ZNF670: variants seen among roughly 807,000 people sequenced by gnomAD.
ZNF670 encodes the protein zinc finger protein 670.
In ZNF670, 7 loss-of-function variants were observed where a neutral mutation model predicts 10.9. The observed-to-expected ratio is 0.64, with a 90% CI of 0.36 to 1.20. The LOEUF (loss-of-function observed/expected upper bound fraction) is 1.20, where lower values mean the gene tolerates loss of function less well. ZNF670 is among the 50% of genes most tolerant of loss of function. The pLI, the probability that ZNF670 is intolerant of heterozygous loss-of-function variation, is 0.02. For synonymous variants in ZNF670, 136 were observed against 152.7 expected (o/e 0.89, Z 0.81); for missense variants, 446 against 458.6 (o/e 0.97, Z 0.25).
intron 1 of ZNF670, chr1:247,042,731 A>T: frequency 2.6e-6 from 1 of 383,886 alleles, no homozygotes; most frequent in Non-Finnish European, 4.8e-6. Context: ...TCTGATTTCC[A>T]GTAGAGCAAG....
intron 1 of ZNF670, among the ~76,000 whole-genome samples, chr1:247,070,332 G>A (rs1175874823): frequency 2.0e-5 from 3 of 151,976 alleles, no homozygotes; most frequent in Non-Finnish European, 4.4e-5. Context: ...CTAGCCAGGC[G>A]TGGTGGCAGG....
chr1:247,043,230 G>A (rs934051142), intron 1 of ZNF670: 5 of 691,410 alleles, frequency 7.2e-6, no homozygotes, highest in African/African-American at 6.9e-5. Context: ...AGCACTGAAG[G>A]AGGACTTTGG....
At chr1:247,057,708 T>C (rs1008779250) in intron 1 of ZNF670, among the ~76,000 whole-genome samples, 7 of 152,136 alleles carry the variant, frequency 4.6e-5, no homozygotes, top group African/African-American at 4.8e-5. Flanking sequence ...CTGGAAGTCA[T>C]TGTGTTAAAT....
In ZNF670 at chr1:247,041,160, T is replaced by C. The variant is rs546679397; in HGVS notation, c.4-1623A>G. On this transcript the variant is annotated intron_variant, in intron 1 of 3. Coordinates refer to ENST00000366503, the MANE Select transcript of ZNF670 (RefSeq NM_033213.5). The stretch of plus-strand genomic sequence containing the variant: ...ATAATCAAGTTCTTTATTTCAAATA[T>C]GAAAGACAAAACTAAAATACGTTCA... Among the ~76,000 whole-genome samples, 12 of 152,234 alleles carry C rather than the reference T, an allele frequency of 7.9e-5. 1 individual carries two copies. The South Asian group carries it at 2.1e-3, about 26-fold the overall frequency.
intron 1 of ZNF670, among the ~76,000 whole-genome samples, chr1:247,072,845 C>CACAT (rs375247639): frequency 0.15 from 11,099 of 76,458 alleles, 893 homozygotes; most frequent in South Asian, 0.29. Flanking sequence ...TATATGCATA[C>CACAT]ACACACATAC....
intron 1 of ZNF670, among the ~76,000 whole-genome samples, chr1:247,060,313 C>T (rs1670827716): frequency 6.6e-6 from 1 of 151,918 alleles, no homozygotes; most frequent in Admixed American, 6.6e-5. Context: ...AGAAATAAAC[C>T]CTGACAAATA....
chr1:247,050,463 T>C (rs1218046836), intron 1 of ZNF670, among the ~76,000 whole-genome samples: 1 of 146,046 alleles, frequency 6.8e-6, no homozygotes, highest in Non-Finnish European at 1.5e-5. Context: ...ATAACTTGGT[T>C]GGTGAATTCT....
rs185138444 is a variant in ZNF670 at position 247,072,774 on chromosome 1, C to T, written c.3+5820G>A. On this transcript the variant is annotated intron_variant, in intron 1 of 3. Transcript: ENST00000366503. ...TACACTCCAGCCTGGGCGACAAGAA[C>T]GAAACTCTGTCTCAAAAAAAAAAGT... Among the ~76,000 whole-genome samples the T allele has an allele frequency of 3.3e-3, 367 of 111,198 alleles. 5 individuals are homozygous for T. The highest frequency in any genetic ancestry group is 0.011 in the African/African-American group (353 of 32,456). The allele number at this position is 111,198 out of a possible 152,430, so 73.0% of individuals were successfully genotyped here. A position where few individuals can be genotyped will look rare whatever the true frequency, so the allele number is the denominator to read the frequency against.
At chr1:247,073,412 G>A (rs1301505295) in intron 1 of ZNF670, among the ~76,000 whole-genome samples, 1 of 149,870 alleles carries the variant, frequency 6.7e-6, no homozygotes, top group Non-Finnish European at 1.5e-5. Context: ...AGGCAAGCTT[G>A]GGGGCCACTC....
Position 247,039,485 on chromosome 1 carries a change from G to C in ZNF670, c.56C>G (p.Ala19Gly), listed in dbSNP as rs774154852. The C allele has an allele frequency of 2.5e-6, 4 of 1,606,166 alleles. No individual in the cohort carries two copies. In the African/African-American group the frequency reaches 5.4e-5, roughly 22 times the overall value. Residue 19 changes from alanine (A) to glycine (G), a missense_variant, in exon 2 of 4, where the codon GCT becomes GGT. Physicochemically the swap from Ala to Gly is moderately conservative, Grantham distance 60 (BLOSUM62 0). Coordinates refer to ENST00000366503, the MANE Select transcript of ZNF670 (RefSeq NM_033213.5). ...ATTCTTTTGAGAAGGATCCAGCAAAGCCCACTCCTCCTGAGTAAAGGCCAC... is the reference window on the plus strand; with the variant it reads ...ATTCTTTTGAGAAGGATCCAGCAAACCCCACTCCTCCTGAGTAAAGGCCAC... ...VAVAFTQEEW[A>G]LLDPSQKNLY... is the part of the protein sequence containing the mutation.
intron 1 of ZNF670, among the ~76,000 whole-genome samples, chr1:247,072,799 T>C (rs1671154712): frequency 6.8e-5 from 2 of 29,540 alleles, no homozygotes; most frequent in South Asian, 2.5e-3. Context: ...AAAAAAAAAG[T>C]GTGTGTATAT....
chr1:247,060,374 C>T (rs1670828607), intron 1 of ZNF670, among the ~76,000 whole-genome samples: 1 of 152,174 alleles, frequency 6.6e-6, no homozygotes, highest in African/African-American at 2.4e-5. Context: ...CAGAAAAGGT[C>T]TGGTCTCTAA....
chr1:247,071,694 T>A (rs1671118611), intron 1 of ZNF670, among the ~76,000 whole-genome samples: 1 of 152,252 alleles, frequency 6.6e-6, no homozygotes, highest in South Asian at 2.1e-4. Flanking sequence ...TTACATGCCT[T>A]AAAGTAATAT....
At chr1:247,038,778 G>A (rs1314815241) in intron 3 of ZNF670, 32 bp downstream of exon 3, 2 of 1,565,634 alleles carry the variant, frequency 1.3e-6, no homozygotes, top group South Asian at 1.1e-5. Context: ...ATTCCCTCAA[G>A]GGGCATTTTT....
chr1:247,071,010 G>A (rs921334527), intron 1 of ZNF670, among the ~76,000 whole-genome samples: 9 of 152,156 alleles, frequency 5.9e-5, no homozygotes, highest in African/African-American at 1.2e-4. Flanking sequence ...ATGCTTACAC[G>A]CTGCTGGAGG....
At chr1:247,050,860 G>C (rs529510325) in intron 1 of ZNF670, among the ~76,000 whole-genome samples, 2 of 152,234 alleles carry the variant, frequency 1.3e-5, no homozygotes, top group East Asian at 3.9e-4. Flanking sequence ...TGAGATGTAA[G>C]GTACCCTTCT....
chr1:247,053,018 AG>A (rs1670633302), intron 1 of ZNF670, among the ~76,000 whole-genome samples: 3 of 152,098 alleles, frequency 2.0e-5, no homozygotes, highest in Admixed American at 1.3e-4. Context: ...AGTTGTTTCC[AG>A]GGGCACTATG....
intron 1 of ZNF670, chr1:247,043,661 A>C (rs1670371658): frequency 1.9e-6 from 1 of 527,290 alleles, no homozygotes; most frequent in African/African-American, 1.9e-5. Context: ...GTGGGAGATT[A>C]TGCTCCAGGA....
intron 1 of ZNF670, among the ~76,000 whole-genome samples, chr1:247,053,095 C>T (rs918241959): frequency 2.6e-5 from 4 of 152,112 alleles, no homozygotes; most frequent in African/African-American, 9.7e-5. Context: ...ACAGGCCTCA[C>T]GCAGTTCCCA....
Sources: allele counts gnomAD v4.1 joint callset (sites outside exome capture counted in the v4.1 genomes callset), GRCh38; gene constraint gnomAD v4.1.1; transcripts MANE v1.5; gene names NCBI Gene and HGNC (gene_info 2026-07-23, HGNC 2026-07-21).